LY96: variants seen among roughly 807,000 people sequenced by gnomAD.
LY96 encodes myeloid differentiation protein-2.
Under a neutral mutation model 18.9 loss-of-function variants are expected in LY96, and 18 were observed. The observed-to-expected ratio is 0.95, with a 90% CI of 0.66 to 1.41. The LOEUF (loss-of-function observed/expected upper bound fraction) is 1.41. Among genes scored for constraint, LY96 ranks in the 40% most tolerant of loss-of-function variants. LY96 has a pLI of 0.00. For synonymous variants in LY96, 66 were observed against 62.6 expected (o/e 1.06, Z -0.26); for missense variants, 175 against 182.4 (o/e 0.96, Z 0.23).
At chr8:74,085,747 C>T in the LY96 span, among the ~76,000 whole-genome samples, 8 of 152,120 alleles carry the variant, frequency 5.3e-5, no homozygotes, top group South Asian at 1.0e-3. Context: ...AACTTCATTG[C>T]GGTATAATTG....
Position 74,029,062 on chromosome 8 carries a change from T to A in LY96, c.*8T>A, listed in dbSNP as rs552194843. On this transcript the variant is annotated 3_prime_UTR_variant, in exon 5 of 5. Transcript: ENST00000284818. The stretch of plus-strand genomic sequence containing the variant: ...CAACCTAATTCAAATTAGAATAAAT[T>A]GAGTATTTAAAAAAAAATTTAAAGG... The A allele has an allele frequency of 1.3e-6, 2 of 1,554,648 alleles. No homozygotes were observed. The highest frequency in any genetic ancestry group is 1.8e-6 in the Non-Finnish European group (2 of 1,128,720).
chr8:74,080,279 G>A, the LY96 span, among the ~76,000 whole-genome samples: 1 of 152,170 alleles, frequency 6.6e-6, no homozygotes, highest in African/African-American at 2.4e-5. Flanking sequence ...GGTTGAGCCT[G>A]ATTGACTTTG....
chr8:74,071,279 T>C, the LY96 span, among the ~76,000 whole-genome samples: 1 of 152,058 alleles, frequency 6.6e-6, no homozygotes. Context: ...GCAAACCTTT[T>C]GAAATATGAA....
chr8:74,080,984 C>CTCTCTCTCTTTCTT, the LY96 span, among the ~76,000 whole-genome samples: 1 of 105,172 alleles, frequency 9.5e-6, no homozygotes, highest in South Asian at 3.5e-4. Flanking sequence ...TTCTTTCTCT[C>CTCTCTCTCTTTCTT]TCTTTCTTTC....
the LY96 span, among the ~76,000 whole-genome samples, chr8:74,058,406 C>T: frequency 7.8e-4 from 118 of 152,156 alleles, no homozygotes; most frequent in Non-Finnish European, 1.4e-3. Flanking sequence ...CACTGCAAAA[C>T]CTTTATGGAG....
the LY96 span, among the ~76,000 whole-genome samples, chr8:74,052,977 G>A: frequency 5.9e-5 from 9 of 152,306 alleles, no homozygotes; most frequent in Non-Finnish European, 7.4e-5. Flanking sequence ...ATCAGAAAAT[G>A]TTGGCAATTG....
At chr8:74,056,340 T>C in the LY96 span, 1 of 351,382 alleles carries the variant, frequency 2.8e-6, no homozygotes, top group South Asian at 2.3e-5. Flanking sequence ...CCAACAGGTC[T>C]GACAAATCCG....
At chr8:74,068,389 T>G in the LY96 span, among the ~76,000 whole-genome samples, 1 of 152,220 alleles carries the variant, frequency 6.6e-6, no homozygotes, top group African/African-American at 2.4e-5. Flanking sequence ...GACATTTGGA[T>G]AGTCTTTGGT....
At chr8:74,058,903 C>G in the LY96 span, among the ~76,000 whole-genome samples, 2 of 152,082 alleles carry the variant, frequency 1.3e-5, no homozygotes, top group African/African-American at 2.4e-5. Flanking sequence ...AGCTGGAGAC[C>G]TAGGAAAAGC....
chr8:74,018,723 C>T (rs954980134), intron 3 of LY96, among the ~76,000 whole-genome samples: 1 of 152,086 alleles, frequency 6.6e-6, no homozygotes, highest in Non-Finnish European at 1.5e-5. Context: ...AACAAACTGT[C>T]TTTCAGACCA....
chr8:74,094,113 A>G, the LY96 span, among the ~76,000 whole-genome samples: 1 of 152,078 alleles, frequency 6.6e-6, no homozygotes, highest in African/African-American at 2.4e-5. Flanking sequence ...ATTGTGCACC[A>G]AAAGAAAGGA....
the LY96 span, among the ~76,000 whole-genome samples, chr8:74,053,353 C>T: frequency 6.6e-6 from 1 of 152,172 alleles, no homozygotes; most frequent in Non-Finnish European, 1.5e-5. Flanking sequence ...ATTTCTAATC[C>T]TTTAGTGACC....
the LY96 span, among the ~76,000 whole-genome samples, chr8:74,040,169 A>G: frequency 6.6e-6 from 1 of 152,262 alleles, no homozygotes; most frequent in African/African-American, 2.4e-5. Flanking sequence ...AACGAAGAGT[A>G]ATATTAAAAG....
chr8:74,051,877 T>C, the LY96 span, among the ~76,000 whole-genome samples: 370 of 152,324 alleles, frequency 2.4e-3, 3 homozygotes, highest in African/African-American at 8.5e-3. Context: ...TATCCTATTA[T>C]AGCAGTTCAT....
chr8:74,028,621 T>C (rs778574972), intron 4 of LY96, among the ~76,000 whole-genome samples: 1 of 152,190 alleles, frequency 6.6e-6, no homozygotes, highest in Non-Finnish European at 1.5e-5. Context: ...GCGTGACATA[T>C]CTAGTAATGA....
downstream of LY96, among the ~76,000 whole-genome samples, chr8:74,033,296 G>A (rs574513210): frequency 2.0e-5 from 3 of 152,114 alleles, no homozygotes; most frequent in African/African-American, 7.2e-5. Context: ...GAAAATTGAG[G>A]GAGTTAAAAC....
intron 3 of LY96, 55 bp downstream of exon 3, chr8:74,010,184 G>T (rs1187908646): frequency 1.1e-5 from 16 of 1,509,644 alleles, no homozygotes; most frequent in Admixed American, 1.7e-5. Context: ...TTATGAAAAT[G>T]TTATGAAAAT....
the LY96 span, among the ~76,000 whole-genome samples, chr8:74,045,773 A>G: frequency 6.6e-6 from 1 of 152,062 alleles, no homozygotes; most frequent in Non-Finnish European, 1.5e-5. Flanking sequence ...CCGCCCCCCT[A>G]CCTCCTTTAT....
At chr8:74,017,987 C>A (rs1464614020) in intron 3 of LY96, among the ~76,000 whole-genome samples, 1 of 152,152 alleles carries the variant, frequency 6.6e-6, no homozygotes, top group Non-Finnish European at 1.5e-5. Flanking sequence ...GAAGAAACTG[C>A]ATAAATTAAC....
Sources: gnomAD v4.1 joint callset for allele counts (sites outside exome capture counted in the v4.1 genomes callset) on GRCh38, gnomAD v4.1.1 for gene constraint, MANE v1.5 for transcripts, NCBI Gene and HGNC (gene_info 2026-07-23, HGNC 2026-07-21) for gene names.